The following VAV2 variants were observed in gnomAD, a reference collection of about 807,000 sequenced individuals.
The protein encoded by VAV2 is vav guanine nucleotide exchange factor 2, also known as guanine nucleotide exchange factor VAV2.
Under a neutral mutation model 132.5 loss-of-function variants are expected in VAV2, and 67 were observed. The observed-to-expected ratio is 0.51, with a 90% CI of 0.42 to 0.62. The LOEUF (loss-of-function observed/expected upper bound fraction) is 0.62, where lower values mean the gene tolerates loss of function less well. Among genes scored for constraint, VAV2 ranks in the 20% least tolerant of loss-of-function variants. VAV2 has a pLI of 0.00. For synonymous variants in VAV2, 492 were observed against 443.5 expected, an observed-to-expected ratio of 1.11 and a Z score of -1.37; for missense variants, 938 against 1,153.6, an observed-to-expected ratio of 0.81 and a Z score of 2.71.
chr9:133,888,428 C>T (rs1424714018), intron 2 of VAV2, among the ~76,000 whole-genome samples: 4 of 152,242 alleles, frequency 2.6e-5, no homozygotes, highest in Non-Finnish European at 5.9e-5. Context: ...GCCACGCACA[C>T]CTGGATCTTC....
At chr9:133,825,085 G>A (rs1322065732) in intron 4 of VAV2, among the ~76,000 whole-genome samples, 1 of 151,936 alleles carries the variant, frequency 6.6e-6, no homozygotes, top group African/African-American at 2.4e-5. Flanking sequence ...GGCCGAGCAC[G>A]CAGTCTTAAA....
intron 1 of VAV2, among the ~76,000 whole-genome samples, chr9:133,944,287 G>A (rs758485877): frequency 6.6e-6 from 1 of 152,180 alleles, no homozygotes; most frequent in Non-Finnish European, 1.5e-5. Context: ...CAGTGCTGGA[G>A]TGGGAAACAG....
intron 2 of VAV2, among the ~76,000 whole-genome samples, chr9:133,933,384 T>C (rs945802571): frequency 2.0e-5 from 3 of 152,388 alleles, no homozygotes; most frequent in Middle Eastern, 3.4e-3. Context: ...GTAAATTATA[T>C]GCTTAACAGA....
rs746743644 is a variant in VAV2, at chr9:133,768,537, T to C, written c.2494A>G (p.Met832Val). The C allele has an allele frequency of 6.2e-7, 1 of 1,613,940 alleles. No homozygotes were observed. The highest frequency in any genetic ancestry group is 8.5e-7 in the Non-Finnish European group (1 of 1,179,966). The part of the protein sequence containing the change: ...VARYNFAARD[M>V]RELSLREGDV... The stretch of plus-strand genomic sequence containing the variant: ...CCCTCCCGCAGCGAAAGCTCCCTCA[T>C]ATCTCGGGCGGCAAAGTTATACCTG... The change falls in exon 29 of 30, where the codon ATG (methionine) becomes GTG (valine). Residue 832 changes from methionine (M) to valine (V), a missense_variant. Coordinates refer to ENST00000371850, the MANE Select transcript of VAV2 (RefSeq NM_001134398.2). The surrounding 1 kb of genome is among the most constrained non-coding windows in gnomAD (Gnocchi z 5.3).
rs1032197605 is a variant in VAV2, at chr9:133,952,174, CACAA to C, written c.205-12959_205-12956del. 2.8e-4 allele frequency among the ~76,000 whole-genome samples: 42 copies of C among 152,094 alleles called. 1 individual carries two copies. The highest frequency in any genetic ancestry group is 2.5e-3 in the Admixed American group (38 of 15,262). On this transcript the variant is annotated intron_variant, in intron 1 of 29. Transcript: ENST00000371850. ...TTTCAACATAGGAATTTTGGGGAGA[CACAA>C]ACATTCAGTCCATAACAGCAAGTGT...
chr9:133,797,022 T>G (rs1398141773), intron 10 of VAV2, among the ~76,000 whole-genome samples: 1 of 152,174 alleles, frequency 6.6e-6, no homozygotes, highest in African/African-American at 2.4e-5. Flanking sequence ...GGGGGCATCG[T>G]GCATCTCTAC....
At position 133,768,476 on chromosome 9, in the gene VAV2, T is replaced by C. The variant is rs1229876435; in HGVS notation, c.2555A>G (p.Asp852Gly). 6.2e-7 allele frequency: 1 copy of C among 1,613,700 alleles called. No individual in the cohort carries two copies. The highest frequency in any genetic ancestry group is 8.5e-7 in the Non-Finnish European group (1 of 1,179,966). ...GGTCTCGCCCTTCCACCAGCCCTGG[T>C]CTCCGCCGATGCGGCTGTAGATCCT... ...VVRIYSRIGG[D>G]QGWWKGETNG... The change falls in exon 29 of 30, where the codon GAC becomes GGC. Residue 852 changes from aspartate (D) to glycine (G), a missense_variant. Asp to Gly is a moderately conservative substitution (Grantham distance 94). Coordinates refer to ENST00000371850, the MANE Select transcript of VAV2 (RefSeq NM_001134398.2). The surrounding 1 kb of genome is among the most constrained non-coding windows in gnomAD (Gnocchi z 5.3).
intron 9 of VAV2, among the ~76,000 whole-genome samples, chr9:133,803,355 T>C (rs1242155130): frequency 6.6e-6 from 1 of 152,070 alleles, no homozygotes; most frequent in Non-Finnish European, 1.5e-5. Flanking sequence ...GTCGTTCCCT[T>C]TCTAGCTCTC....
In VAV2 at chr9:133,919,908, C is replaced by T. The variant is rs964589056; in HGVS notation, c.321+19195G>A. Among the ~76,000 whole-genome samples the T allele has an allele frequency of 2.0e-5, 3 of 152,168 alleles. No homozygotes were observed. Among genetic ancestry groups the T allele is most frequent in the Non-Finnish European group, 2.9e-5 (2 of 68,030 alleles). ...AGAGTCAGTTCTGCTGGACATACAG[C>T]GGCGGACCCAAGGCTGCTTTCCACG... On this transcript the variant is annotated intron_variant, in intron 2 of 29. Transcript: ENST00000371850. The surrounding 1 kb of genome is among the most constrained non-coding windows in gnomAD (Gnocchi z 5.8).
rs1448610995 is a variant in VAV2, at chr9:133,794,612, T to C, written c.1101+1056A>G. 1.3e-5 allele frequency among the ~76,000 whole-genome samples: 2 copies of C among 152,272 alleles called. No individual in the cohort carries two copies. Among genetic ancestry groups the C allele is most frequent in the African/African-American group, 2.4e-5 (1 of 41,570 alleles). On this transcript the variant is annotated intron_variant, in intron 12 of 29. Transcript: ENST00000371850. The surrounding 1 kb of genome is among the most constrained non-coding windows in gnomAD (Gnocchi z 4.6). ...AAGGGGGCCCAAAGCCCAGGGGGGC[T>C]GCCCAGAGGGCAGGGGCCAGGTGTC...
chr9:133,939,182 A>T lies in VAV2; in HGVS notation c.242T>A (p.Val81Asp). 1 of 1,614,258 alleles carries T rather than the reference A, an allele frequency of 6.2e-7. No individual in the cohort carries two copies. Among genetic ancestry groups the T allele is most frequent in the Non-Finnish European group, 8.5e-7 (1 of 1,180,044 alleles). The change falls in exon 2 of 30, where the codon GTC becomes GAC. Residue 81 changes from valine (V) to aspartate (D), a missense_variant. By Grantham distance (152) the Val-to-Asp change is radical (BLOSUM62 -3). Coordinates refer to ENST00000371850, the MANE Select transcript of VAV2 (RefSeq NM_001134398.2). ...CCTTAATCCAAATTTATCGTGGCAG[A>T]CTTTCAGGAAGGTGCGTATGTTCTT... is the stretch of plus-strand genomic sequence containing the variant. The part of the protein sequence containing the change: ...CLKNIRTFLK[V>D]CHDKFGLRNS...
chr9:133,834,544 C>G lies in VAV2; in HGVS notation c.381-204G>C, dbSNP rs148453015. On this transcript the variant is annotated intron_variant, in intron 3 of 29. Transcript: ENST00000371850. This position sits in a 1 kb window ranked among gnomAD's most constrained non-coding sequence, Gnocchi z 5.9. ...CTGGGCCATAGGGCAAGAGGAGACC[C>G]ATGCCTACTTGCCAGGGGGCAAGGA... Among the ~76,000 whole-genome samples the G allele has an allele frequency of 1.3e-5, 2 of 152,266 alleles. No individual in the cohort carries two copies. Among genetic ancestry groups the G allele is most frequent in the South Asian group, 4.1e-4 (2 of 4,838 alleles).
Position 133,826,919 on chromosome 9 carries a change from C to T in VAV2, c.449+7353G>A, listed in dbSNP as rs548560675. ...CAGCGGCACCAGTGTCCTCGCAAGA[C>T]GCACTCATCACGGCGCTCTGTGGCA... On this transcript the variant is annotated intron_variant, in intron 4 of 29. Coordinates refer to ENST00000371850, the MANE Select transcript of VAV2 (RefSeq NM_001134398.2). This position sits in a 1 kb window ranked among gnomAD's most constrained non-coding sequence, Gnocchi z 4.2. Among the ~76,000 whole-genome samples the T allele has an allele frequency of 3.3e-4, 50 of 152,280 alleles. No homozygotes were observed. The highest frequency in any genetic ancestry group is 8.3e-4 in the South Asian group (4 of 4,822).
In VAV2 at chr9:133,912,244, A is replaced by C. The variant is rs550690215; in HGVS notation, c.321+26859T>G. 6.6e-6 allele frequency among the ~76,000 whole-genome samples: 1 copy of C among 152,342 alleles called. No homozygotes were observed. Among genetic ancestry groups the C allele is most frequent in the Admixed American group, 6.5e-5 (1 of 15,308 alleles). ...AACCAGGAGTGTTTTAGTACAAAACAGACAAACCAGAAACCTACGGCATCA... is the reference window on the plus strand; with the variant it reads ...AACCAGGAGTGTTTTAGTACAAAACCGACAAACCAGAAACCTACGGCATCA... On this transcript the variant is annotated intron_variant, in intron 2 of 29. Coordinates refer to ENST00000371850, the MANE Select transcript of VAV2 (RefSeq NM_001134398.2). The surrounding 1 kb of genome is among the most constrained non-coding windows in gnomAD (Gnocchi z 4.3).
At position 133,935,677 on chromosome 9, in the gene VAV2, C is replaced by CA. The variant is rs1252757546; in HGVS notation, c.321+3425dup. On this transcript the variant is annotated intron_variant, in intron 2 of 29. Coordinates refer to ENST00000371850, the MANE Select transcript of VAV2 (RefSeq NM_001134398.2). This position sits in a 1 kb window ranked among gnomAD's most constrained non-coding sequence, Gnocchi z 5.2. ...AGGCTCCAGACCGTGGTGAACGTCC[C>CA]AGCTCCCCAGCCTCCGCTGGCCCCA... is the stretch of plus-strand genomic sequence containing the variant. 6.6e-6 allele frequency among the ~76,000 whole-genome samples: 1 copy of CA among 152,232 alleles called. No homozygotes were observed. Among genetic ancestry groups the CA allele is most frequent in the Non-Finnish European group, 1.5e-5 (1 of 68,026 alleles).
chr9:133,900,956 C>T (rs1168584708), intron 2 of VAV2, among the ~76,000 whole-genome samples: 1 of 151,526 alleles, frequency 6.6e-6, no homozygotes. Context: ...CGTGTCATCA[C>T]GCCCGGCTAA....
intron 2 of VAV2, among the ~76,000 whole-genome samples, chr9:133,876,815 G>C (rs1028713904): frequency 3.9e-5 from 6 of 152,224 alleles, no homozygotes; most frequent in African/African-American, 1.2e-4. Flanking sequence ...GGCTGCCTGG[G>C]TGCAGGGGTG....
chr9:133,970,264 T>G (rs144010168), intron 1 of VAV2, among the ~76,000 whole-genome samples: 1 of 152,140 alleles, frequency 6.6e-6, no homozygotes, highest in Admixed American at 6.5e-5. Context: ...CCCCACCCGA[T>G]GACCCCACAC....
At chr9:133,829,280 C>T (rs1197120999) in intron 4 of VAV2, among the ~76,000 whole-genome samples, 1 of 152,240 alleles carries the variant, frequency 6.6e-6, no homozygotes, top group Non-Finnish European at 1.5e-5. Context: ...TTTTTTCAAC[C>T]AGCTGCTCTT....
Sources: gnomAD v4.1 joint callset for allele counts (sites outside exome capture counted in the v4.1 genomes callset) on GRCh38, gnomAD v4.1.1 for gene constraint, Gnocchi (gnomAD v3.1) non-coding constraint, MANE v1.5 for transcripts, NCBI Gene and HGNC (gene_info 2026-07-23, HGNC 2026-07-21) for gene names.